The following PEX14 variants were observed in gnomAD, a reference collection of about 807,000 sequenced individuals.
The protein encoded by PEX14 is peroxisomal membrane protein PEX14.
Under a neutral mutation model 49.5 loss-of-function variants are expected in PEX14, and 15 were observed. The ratio of observed to expected loss-of-function variants is 0.30; its 90% CI spans 0.20 to 0.47. The LOEUF (loss-of-function observed/expected upper bound fraction) is 0.47, where lower values mean the gene tolerates loss of function less well. PEX14 is among the 20% of genes least tolerant of loss of function. PEX14 has a pLI of 1.00. For missense variants in PEX14, 398 were observed against 494.8 expected (o/e 0.80, Z 1.86); for synonymous variants, 210 against 212.7 (o/e 0.99, Z 0.11).
At chr1:10,581,437 T>C (rs990545207) in intron 3 of PEX14, among the ~76,000 whole-genome samples, 15 of 151,392 alleles carry the variant, frequency 9.9e-5, no homozygotes, top group African/African-American at 3.4e-4. Context: ...TCCCGAGTAG[T>C]TGGGATTACA....
At chr1:10,503,151 A>G (rs1641712496) in intron 2 of PEX14, among the ~76,000 whole-genome samples, 1 of 151,128 alleles carries the variant, frequency 6.6e-6, no homozygotes, top group Non-Finnish European at 1.5e-5. Context: ...CAGAGGGAAA[A>G]GTTCTGTTTC....
intron 3 of PEX14, among the ~76,000 whole-genome samples, chr1:10,564,257 C>T (rs891529697): frequency 3.3e-5 from 5 of 151,954 alleles, no homozygotes; most frequent in South Asian, 2.1e-4. Context: ...ACCTTCTTTC[C>T]ATGTTCTTTA....
At chr1:10,516,793 T>C (rs774857970) in intron 2 of PEX14, among the ~76,000 whole-genome samples, 7 of 152,142 alleles carry the variant, frequency 4.6e-5, no homozygotes, top group Non-Finnish European at 7.4e-5. Context: ...CGTCAGGTAT[T>C]GGTTTAGAAA....
At position 10,495,608 on chromosome 1, in the gene PEX14, C is replaced by T. The variant is rs527504459; in HGVS notation, c.84+287C>T. 3.3e-5 allele frequency among the ~76,000 whole-genome samples: 5 copies of T among 152,278 alleles called. No individual in the cohort carries two copies. Among genetic ancestry groups the T allele is most frequent in the South Asian group, 2.1e-4 (1 of 4,832 alleles). On this transcript the variant is annotated intron_variant, in intron 2 of 8. Coordinates refer to ENST00000356607, the MANE Select transcript of PEX14 (RefSeq NM_004565.3). This position sits in a 1 kb window ranked among gnomAD's most constrained non-coding sequence, Gnocchi z 4.2. ...TCAATAGTAATTAGTGAGATTCCTG[C>T]GCCCGTGGGAGGCTGAGGTGGAGTG...
At chr1:10,589,048 T>C (rs998350593) in intron 3 of PEX14, among the ~76,000 whole-genome samples, 2 of 152,236 alleles carry the variant, frequency 1.3e-5, no homozygotes, top group Non-Finnish European at 2.9e-5. Flanking sequence ...TATACCCTTT[T>C]ATATCTTTAG....
chr1:10,544,445 C>T (rs1375337609), intron 3 of PEX14, among the ~76,000 whole-genome samples: 1 of 152,152 alleles, frequency 6.6e-6, no homozygotes, highest in Non-Finnish European at 1.5e-5. Context: ...AAGAGTAAGC[C>T]ATGCTCAGGA....
intron 3 of PEX14, among the ~76,000 whole-genome samples, chr1:10,555,369 G>C (rs1186491432): frequency 6.6e-6 from 1 of 151,978 alleles, no homozygotes; most frequent in African/African-American, 2.4e-5. Flanking sequence ...ATACAGAGTC[G>C]GGGGGAGAGA....
intron 4 of PEX14, among the ~76,000 whole-genome samples, chr1:10,610,428 T>G (rs1641249690): frequency 6.6e-6 from 1 of 150,638 alleles, no homozygotes; most frequent in Non-Finnish European, 1.5e-5. Flanking sequence ...GAGAGAGATA[T>G]CATTCTTTTT....
chr1:10,575,275 A>G (rs1640089326), intron 3 of PEX14, among the ~76,000 whole-genome samples: 1 of 152,198 alleles, frequency 6.6e-6, no homozygotes, highest in Non-Finnish European at 1.5e-5. Context: ...ATAAAGCGAA[A>G]GCTATTAGAA....
At chr1:10,625,514 G>A (rs1032044962) in intron 7 of PEX14, among the ~76,000 whole-genome samples, 5 of 152,232 alleles carry the variant, frequency 3.3e-5, no homozygotes, top group Admixed American at 2.6e-4. Context: ...GGTGTCTCTT[G>A]TGAAGAGGGT....
intron 4 of PEX14, among the ~76,000 whole-genome samples, chr1:10,610,366 TATATATACAC>T (rs892879349): frequency 6.7e-4 from 24 of 35,736 alleles, no homozygotes; most frequent in African/African-American, 1.8e-3. Context: ...CATATATATA[TATATATACAC>T]ACACACACAC....
In PEX14 at chr1:10,512,377, G is replaced by A. The variant is rs1641899641; in HGVS notation, c.84+17056G>A. On this transcript the variant is annotated intron_variant, in intron 2 of 8. Coordinates refer to ENST00000356607, the MANE Select transcript of PEX14 (RefSeq NM_004565.3). The surrounding 1 kb of genome is among the most constrained non-coding windows in gnomAD (Gnocchi z 4.6). ...TGATTGATGACATGAGCATTGCTGG[G>A]TGTTGAAACACCTGGCCAGGGAAAC... Among the ~76,000 whole-genome samples, 1 of 152,160 alleles carries A rather than the reference G, an allele frequency of 6.6e-6. No homozygotes were observed. Among genetic ancestry groups the A allele is most frequent in the South Asian group, 2.1e-4 (1 of 4,830 alleles).
chr1:10,575,285 A>G (rs1047205412), intron 3 of PEX14, among the ~76,000 whole-genome samples: 1 of 152,198 alleles, frequency 6.6e-6, no homozygotes, highest in Non-Finnish European at 1.5e-5. Context: ...AGCTATTAGA[A>G]ATATAGAAGA....
In PEX14 at chr1:10,514,803, G is replaced by C. The variant is rs1641943873; in HGVS notation, c.84+19482G>C. ...ACACCAAGCTTCTGGCATTTTTATT[G>C]TTCTTGAAAATTGTGTACTGATTGC... On this transcript the variant is annotated intron_variant, in intron 2 of 8. Coordinates refer to ENST00000356607, the MANE Select transcript of PEX14 (RefSeq NM_004565.3). The surrounding 1 kb of genome is among the most constrained non-coding windows in gnomAD (Gnocchi z 4.4). 6.6e-6 allele frequency among the ~76,000 whole-genome samples: 1 copy of C among 152,178 alleles called. No homozygotes were observed. Among genetic ancestry groups the C allele is most frequent in the Non-Finnish European group, 1.5e-5 (1 of 68,028 alleles).
At chr1:10,492,769 G>A (rs1286326147) in intron 1 of PEX14, among the ~76,000 whole-genome samples, 3 of 152,178 alleles carry the variant, frequency 2.0e-5, no homozygotes, top group African/African-American at 4.8e-5. Flanking sequence ...TCTGTGCCTG[G>A]CACTGTCCTA....
chr1:10,528,161 A>G (rs553113723), intron 2 of PEX14: 37 of 180,188 alleles, frequency 2.1e-4, no homozygotes, highest in Non-Finnish European at 2.8e-4. Context: ...TCACCTATTC[A>G]GTAGCTGACC....
chr1:10,609,788 G>A (rs887021008), intron 4 of PEX14, among the ~76,000 whole-genome samples: 3 of 152,100 alleles, frequency 2.0e-5, no homozygotes, highest in African/African-American at 7.2e-5. Context: ...GAGAGGATGA[G>A]GCAGGAGAAT....
In PEX14 at chr1:10,627,396, C is replaced by A; in HGVS notation, c.677+33C>A. The A allele has an allele frequency of 2.0e-6, 3 of 1,471,838 alleles. No individual in the cohort carries two copies. In the South Asian group the frequency reaches 3.4e-5, roughly 17 times the overall value. 91.2% of individuals were successfully genotyped at this position (1,471,838 alleles called of 1,614,324 possible). A position where few individuals can be genotyped will look rare whatever the true frequency, so the allele number is the denominator to read the frequency against. On this transcript the variant is annotated intron_variant, in intron 8 of 8. Coordinates refer to ENST00000356607, the MANE Select transcript of PEX14 (RefSeq NM_004565.3). ...GGAGGAATGGGGACCCTGTTCTGGTCGGGCCTGGAAAGGAGGACTGGGAGC... is the reference window on the plus strand; with the variant it reads ...GGAGGAATGGGGACCCTGTTCTGGTAGGGCCTGGAAAGGAGGACTGGGAGC...
intron 3 of PEX14, chr1:10,536,564 C>T (rs1038954285): frequency 1.3e-5 from 6 of 478,868 alleles, no homozygotes; most frequent in African/African-American, 5.9e-5. Context: ...GTAGCAGAGT[C>T]GGCCCATTGG....
Sources: gnomAD v4.1 joint callset for allele counts (sites outside exome capture counted in the v4.1 genomes callset) on GRCh38, gnomAD v4.1.1 for gene constraint, Gnocchi (gnomAD v3.1) non-coding constraint, MANE v1.5 for transcripts, NCBI Gene and HGNC (gene_info 2026-07-23, HGNC 2026-07-21) for gene names.